The following STRBP variants were observed in gnomAD, a reference collection of about 807,000 sequenced individuals.
The protein encoded by STRBP is spermatid perinuclear RNA binding protein.
STRBP carries 13 observed loss-of-function variants against 80.1 expected under a neutral mutation model. That is an observed-to-expected ratio of 0.16 (90% CI 0.11 to 0.26). The LOEUF (loss-of-function observed/expected upper bound fraction) is 0.26. STRBP is among the 10% of genes least tolerant of loss of function. The probability of loss-of-function intolerance (pLI) is 1.00; values close to 1 mark genes in which losing one functional copy is unlikely to be tolerated. For missense variants in STRBP, 485 were observed against 815.2 expected (o/e 0.59, Z 4.93); for synonymous variants, 284 against 291.2 (o/e 0.98, Z 0.25).
intron 1 of STRBP, among the ~76,000 whole-genome samples, chr9:123,250,323 A>T (rs1171221369): frequency 1.3e-5 from 2 of 152,250 alleles, no homozygotes; most frequent in African/African-American, 4.8e-5. Flanking sequence ...AAAAATGTAA[A>T]ACAATGCTAG....
At chr9:123,218,124 T>C (rs1210217434) in intron 2 of STRBP, among the ~76,000 whole-genome samples, 1 of 152,202 alleles carries the variant, frequency 6.6e-6, no homozygotes, top group African/African-American at 2.4e-5. Flanking sequence ...AGCTTCTGTC[T>C]ATGATATACT....
intron 1 of STRBP, among the ~76,000 whole-genome samples, chr9:123,257,074 C>T (rs1442950304): frequency 6.6e-6 from 1 of 152,086 alleles, no homozygotes; most frequent in African/African-American, 2.4e-5. Flanking sequence ...GGCTTGAATT[C>T]CTTATTCCTG....
At chr9:123,158,207 A>G in intron 10 of STRBP, 84 bp from the exon 11 acceptor site, 1 of 1,476,708 alleles carries the variant, frequency 6.8e-7, no homozygotes. Flanking sequence ...AGACACTCAT[A>G]AATTCTGACA....
At chr9:123,139,454 T>C (rs2036497635) in intron 14 of STRBP, 75 bp downstream of exon 14, 4 of 1,212,566 alleles carry the variant, frequency 3.3e-6, no homozygotes, top group African/African-American at 1.6e-5. Context: ...ATTTTATTTA[T>C]ACTTTTCCAC....
At chr9:123,192,306 A>G (rs2038952132) in intron 2 of STRBP, among the ~76,000 whole-genome samples, 2 of 152,346 alleles carry the variant, frequency 1.3e-5, no homozygotes, top group East Asian at 1.9e-4. Flanking sequence ...TGGGTGTACC[A>G]ATGAATACAA....
chr9:123,160,181 G>C (rs2037463799), intron 8 of STRBP, among the ~76,000 whole-genome samples, 186 bp downstream of exon 8: 1 of 152,136 alleles, frequency 6.6e-6, no homozygotes, highest in South Asian at 2.1e-4. Context: ...AGGTAGAAGA[G>C]GCAAGTTATA....
chr9:123,119,162 C>T (rs2035690939), downstream of STRBP, among the ~76,000 whole-genome samples: 1 of 152,188 alleles, frequency 6.6e-6, no homozygotes, highest in Non-Finnish European at 1.5e-5. Context: ...AGTCAACAGC[C>T]TTTTAAGCAC....
intron 2 of STRBP, among the ~76,000 whole-genome samples, chr9:123,197,744 A>T (rs1236370992): frequency 7.7e-6 from 1 of 130,132 alleles, no homozygotes; most frequent in Non-Finnish European, 1.5e-5. Context: ...GCGCGATCTC[A>T]GCTCACTGCA....
chr9:123,189,638 A>G, intron 2 of STRBP, among the ~76,000 whole-genome samples: 1 of 151,806 alleles, frequency 6.6e-6, no homozygotes, highest in African/African-American at 2.4e-5. Flanking sequence ...ATAGGTGGGA[A>G]TTGAACAATG....
downstream of STRBP, among the ~76,000 whole-genome samples, chr9:123,116,655 A>G (rs916302829): frequency 1.3e-5 from 2 of 152,174 alleles, no homozygotes; most frequent in African/African-American, 4.8e-5. Context: ...AGAAGCCTAC[A>G]GGAAAGGTGA....
chr9:123,198,512 T>A (rs549661609), intron 2 of STRBP, among the ~76,000 whole-genome samples: 1 of 152,318 alleles, frequency 6.6e-6, no homozygotes, highest in South Asian at 2.1e-4. Flanking sequence ...TAGTCCTTGG[T>A]TGGACGCGTA....
At position 123,125,611 on chromosome 9, in the gene STRBP, A is replaced by C; in HGVS notation, c.2005T>G (p.Tyr669Asp). The C allele has an allele frequency of 6.2e-7, 1 of 1,613,422 alleles. No individual in the cohort carries two copies. Among genetic ancestry groups the C allele is most frequent in the Non-Finnish European group, 8.5e-7 (1 of 1,179,728 alleles). The change falls in exon 19 of 19, where the codon TAC becomes GAC. Residue 669 changes from tyrosine to aspartate, a missense_variant. Transcript: ENST00000348403. Reference protein sequence around the residue: ...MKFPTYPVPHYSFF With the variant: ...MKFPTYPVPHDSFF ...TCTGTCATTTGCTAAAAGAATGAGT[A>C]GTGGGGAACAGGATATGTTGGAAAT...
intron 6 of STRBP, among the ~76,000 whole-genome samples, chr9:123,167,640 T>C (rs1329516279): frequency 6.6e-6 from 1 of 151,682 alleles, no homozygotes; most frequent in Non-Finnish European, 1.5e-5. Flanking sequence ...AGCAAATCTT[T>C]CTGCCATTCA....
At chr9:123,191,631 C>T (rs971657375) in intron 2 of STRBP, among the ~76,000 whole-genome samples, 3 of 152,056 alleles carry the variant, frequency 2.0e-5, no homozygotes, top group African/African-American at 7.2e-5. Flanking sequence ...ATTACGGACA[C>T]TGAAATTTGA....
chr9:123,235,981 A>G (rs2040550731), intron 2 of STRBP, among the ~76,000 whole-genome samples: 1 of 152,214 alleles, frequency 6.6e-6, no homozygotes, highest in South Asian at 2.1e-4. Context: ...GTCATAGTCC[A>G]CAGCTTCCAA....
At chr9:123,178,949 A>C in intron 4 of STRBP, 58 bp downstream of exon 4, 1 of 1,527,854 alleles carries the variant, frequency 6.5e-7, no homozygotes, top group Non-Finnish European at 9.0e-7. Context: ...AATCCAGCAG[A>C]CCTTAGAGCT....
intron 2 of STRBP, among the ~76,000 whole-genome samples, chr9:123,224,057 G>T (rs965988505): frequency 1.3e-5 from 2 of 152,104 alleles, no homozygotes; most frequent in Non-Finnish European, 2.9e-5. Context: ...TCAAAATTCC[G>T]AGTTCCACAA....
Position 123,147,803 on chromosome 9 carries a change from C to G in STRBP, c.1113G>C (p.Lys371Asn). The G allele has an allele frequency of 6.2e-7, 1 of 1,608,198 alleles. No individual in the cohort carries two copies. The change falls in exon 12 of 19, where the codon AAG (lysine) becomes AAC (asparagine). Residue 371 changes from lysine (K) to asparagine (N), a missense_variant. By Grantham distance (94) the Lys-to-Asn change is moderately conservative (BLOSUM62 0). Around this residue, in one of 3 missense-constraint regions of STRBP, gnomAD observed 377 missense variants for 616.1 expected, o/e 0.61. Transcript: ENST00000348403. The stretch of plus-strand genomic sequence containing the variant: ...TTTTCCTTAAGTTTCGTTTCATCTT[C>G]TTGTTGGGGTCTTTATCATCCCCTA... ...DGLGDDKDPN[K>N]KMKRNLRKIL...
intron 6 of STRBP, among the ~76,000 whole-genome samples, chr9:123,162,911 C>T (rs1422697263): frequency 6.6e-6 from 1 of 152,178 alleles, no homozygotes; most frequent in African/African-American, 2.4e-5. Flanking sequence ...AAATGCTTAA[C>T]TGTGGTCAAT....
Sources: allele counts gnomAD v4.1 joint callset (sites outside exome capture counted in the v4.1 genomes callset), GRCh38; gene constraint gnomAD v4.1.1; regional missense constraint gnomAD v4.1.1; transcripts MANE v1.5; gene names NCBI Gene and HGNC (gene_info 2026-07-23, HGNC 2026-07-21).